The following ODR4 variants were observed in gnomAD, a reference collection of about 807,000 sequenced individuals.
ODR4 encodes protein odr-4 homolog.
A neutral mutation model predicts 60.2 loss-of-function variants in ODR4; 47 were observed. The observed-to-expected ratio is 0.78, with a 90% CI of 0.62 to 1.00. The LOEUF (loss-of-function observed/expected upper bound fraction) is 1.00, where lower values mean the gene tolerates loss of function less well. Ranked by LOEUF, ODR4 falls within the 50% of genes least tolerant of loss-of-function variation. The probability of loss-of-function intolerance (pLI) is 0.00; values close to 1 mark genes in which losing one functional copy is unlikely to be tolerated. For synonymous variants in ODR4, 178 were observed against 175.5 expected (o/e 1.01, Z -0.11); for missense variants, 488 against 530.8 (o/e 0.92, Z 0.79).
downstream of ODR4, among the ~76,000 whole-genome samples, chr1:186,424,310 A>C (rs1661847770): frequency 6.6e-6 from 1 of 152,234 alleles, no homozygotes; most frequent in Non-Finnish European, 1.5e-5. Flanking sequence ...AAAGCTATAA[A>C]AGAAACCTAA....
At chr1:186,434,384 T>C in the ODR4 span, among the ~76,000 whole-genome samples, 2 of 152,172 alleles carry the variant, frequency 1.3e-5, no homozygotes, top group Admixed American at 6.5e-5. Flanking sequence ...AACTGTTAAA[T>C]TGAAATCATT....
chr1:186,403,697 T>A (rs1661070162), intron 11 of ODR4, among the ~76,000 whole-genome samples: 1 of 152,132 alleles, frequency 6.6e-6, no homozygotes, highest in Non-Finnish European at 1.5e-5. Context: ...CAATTAATCC[T>A]TGCACTTGTT....
chr1:186,421,388 T>G (rs2102106534), downstream of ODR4: 1 of 152,312 alleles, frequency 6.6e-6, no homozygotes, highest in South Asian at 2.1e-4. Flanking sequence ...ATGTGGAATT[T>G]TTAAATAAGG....
intron 13 of ODR4, among the ~76,000 whole-genome samples, chr1:186,418,289 C>CTTTTTTT (rs35821609): frequency 8.2e-5 from 9 of 110,370 alleles, no homozygotes; most frequent in Admixed American, 9.7e-5. Flanking sequence ...TTCTTTCTTT[C>CTTTTTTT]TTTTTTTTTT....
chr1:186,418,196 C>T (rs376674109), intron 13 of ODR4, among the ~76,000 whole-genome samples: 1 of 151,498 alleles, frequency 6.6e-6, no homozygotes, highest in Non-Finnish European at 1.5e-5. Context: ...AATTGTAGTT[C>T]TTGTCATTCA....
chr1:186,383,251 G>A (rs1451321692), intron 3 of ODR4, 95 bp downstream of exon 3: 1 of 1,321,968 alleles, frequency 7.6e-7, no homozygotes, highest in Non-Finnish European at 1.0e-6. Context: ...AAGAGACATA[G>A]GGAGAAAGTA....
At chr1:186,418,366 C>T (rs1160180263) in intron 13 of ODR4, among the ~76,000 whole-genome samples, 2 of 148,958 alleles carry the variant, frequency 1.3e-5, no homozygotes, top group Non-Finnish European at 3.0e-5. Context: ...TCTCGGCTCA[C>T]TGCAAGCTCC....
At chr1:186,380,970 C>G (rs1659996981) in intron 2 of ODR4, among the ~76,000 whole-genome samples, 1 of 152,164 alleles carries the variant, frequency 6.6e-6, no homozygotes, top group African/African-American at 2.4e-5. Context: ...TTTTACAAAT[C>G]AGATTTCTTA....
At chr1:186,417,729 G>C in intron 13 of ODR4, 75 bp downstream of exon 13, 1 of 801,812 alleles carries the variant, frequency 1.2e-6, no homozygotes, top group Non-Finnish European at 2.1e-6. Context: ...TAAGATCTTT[G>C]TATTTCATTT....
chr1:186,381,617 G>A (rs1341931329), intron 2 of ODR4, among the ~76,000 whole-genome samples: 3 of 152,060 alleles, frequency 2.0e-5, no homozygotes, highest in African/African-American at 7.2e-5. Context: ...GTGAGCCACC[G>A]CGCCCGGCCT....
At chr1:186,414,266 A>G (rs995527839) in intron 12 of ODR4, among the ~76,000 whole-genome samples, 3 of 152,200 alleles carry the variant, frequency 2.0e-5, no homozygotes, top group Non-Finnish European at 4.4e-5. Flanking sequence ...AAATAGGGCA[A>G]TGAAATGTCT....
intron 9 of ODR4, among the ~76,000 whole-genome samples, chr1:186,394,784 C>T (rs544448291): frequency 2.0e-5 from 3 of 152,122 alleles, no homozygotes; most frequent in South Asian, 2.1e-4. Flanking sequence ...GTAGCAATAG[C>T]GCATTAGTAA....
rs367700430 is a variant in ODR4, at chr1:186,419,084, C to T, written c.*8C>T. ...CATTACTTCAGTGATTAGGGTGAGG[C>T]ACAAAGAGTTTCTTGATCATCCAGA... On this transcript the variant is annotated 3_prime_UTR_variant, in exon 14 of 14. Coordinates refer to ENST00000287859, the MANE Select transcript of ODR4 (RefSeq NM_017847.6). The T allele has an allele frequency of 1.3e-5, 21 of 1,605,164 alleles. No homozygotes were observed. Among genetic ancestry groups the T allele is most frequent in the Non-Finnish European group, 1.7e-5 (20 of 1,174,290 alleles).
At chr1:186,417,468 A>G in intron 12 of ODR4, 76 bp from the exon 13 acceptor site, 1 of 801,694 alleles carries the variant, frequency 1.2e-6, no homozygotes, top group Non-Finnish European at 2.0e-6. Context: ...ATAGTTTTTT[A>G]TAATGTTCTT....
chr1:186,384,148 G>C (rs1008102913), intron 3 of ODR4, among the ~76,000 whole-genome samples: 8 of 152,306 alleles, frequency 5.3e-5, no homozygotes, highest in Non-Finnish European at 1.0e-4. Context: ...AAAAAGGCCT[G>C]TTTGGCTCAT....
intron 3 of ODR4, among the ~76,000 whole-genome samples, chr1:186,385,396 G>C (rs1357604278): frequency 6.6e-6 from 1 of 150,688 alleles, no homozygotes; most frequent in African/African-American, 2.4e-5. Context: ...AGATAACTAT[G>C]ATATAAGACT....
chr1:186,412,645 C>T (rs1174496740), intron 12 of ODR4, among the ~76,000 whole-genome samples: 1 of 151,956 alleles, frequency 6.6e-6, no homozygotes, highest in Non-Finnish European at 1.5e-5. Context: ...TGCGCTTATT[C>T]ACTCATTTAC....
At chr1:186,398,855 G>C (rs1457553324) in intron 10 of ODR4, 99 bp from the exon 11 acceptor site, 2 of 782,328 alleles carry the variant, frequency 2.6e-6, no homozygotes, top group Admixed American at 6.4e-5. Flanking sequence ...TAGTGGGCAT[G>C]ATTGTACTGG....
Position 186,390,734 on chromosome 1 carries a change from G to C in ODR4, c.498G>C (p.Trp166Cys). 1 of 1,613,480 alleles carries C rather than the reference G, an allele frequency of 6.2e-7. No individual in the cohort carries two copies. ...DPKSSARPAD[W>C]KYQSGLSSSW... ...AGAGTTCAGCAAGACCAGCAGATTGGAAGTATCAAAGTGGATTATCATCCT... is the reference window on the plus strand; with the variant it reads ...AGAGTTCAGCAAGACCAGCAGATTGCAAGTATCAAAGTGGATTATCATCCT... The change falls in exon 7 of 14, where the codon TGG becomes TGC. Residue 166 changes from tryptophan to cysteine, a missense_variant. By Grantham distance (215) the Trp-to-Cys change is radical. Coordinates refer to ENST00000287859, the MANE Select transcript of ODR4 (RefSeq NM_017847.6).
Sources: allele counts gnomAD v4.1 joint callset (sites outside exome capture counted in the v4.1 genomes callset), GRCh38; gene constraint gnomAD v4.1.1; transcripts MANE v1.5; gene names NCBI Gene and HGNC (gene_info 2026-07-23, HGNC 2026-07-21).